Variants in FOXP1 observed in about 807,000 individuals in gnomAD.
FOXP1 encodes forkhead box protein P1.
Under a neutral mutation model 98.2 loss-of-function variants are expected in FOXP1, and 15 were observed. That is an observed-to-expected ratio of 0.15 (90% CI 0.10 to 0.24). FOXP1 has a LOEUF of 0.24. Among genes scored for constraint, FOXP1 ranks in the 10% least tolerant of loss-of-function variants. The pLI is 1.00. For synonymous variants in FOXP1, 371 were observed against 314.5 expected (o/e 1.18, Z -1.90); for missense variants, 633 against 848.5 (o/e 0.75, Z 3.15).
intron 6 of FOXP1, among the ~76,000 whole-genome samples, chr3:71,125,161 G>A (rs1048071897): frequency 6.6e-6 from 1 of 152,174 alleles, no homozygotes; most frequent in Non-Finnish European, 1.5e-5. Flanking sequence ...TTGAGCTAGG[G>A]GGAGATGATG....
chr3:71,396,724 A>G (rs1184324869), intron 3 of FOXP1, among the ~76,000 whole-genome samples: 1 of 138,824 alleles, frequency 7.2e-6, no homozygotes, highest in Non-Finnish European at 1.5e-5. Flanking sequence ...AGAAGACAGC[A>G]ACAGCAGAGC....
At chr3:71,298,248 C>G (rs1389133006) in intron 5 of FOXP1, among the ~76,000 whole-genome samples, 1 of 151,956 alleles carries the variant, frequency 6.6e-6, no homozygotes, top group South Asian at 2.1e-4. Context: ...GGGCGGATCA[C>G]GAGGTCAGGA....
rs1560102683 is a variant in FOXP1 at position 71,198,412 on chromosome 3, G to C, written c.-11-20C>G. 1.4e-6 allele frequency: 1 copy of C among 721,556 alleles called. No homozygotes were observed. The highest frequency in any genetic ancestry group is 2.3e-6 in the Non-Finnish European group (1 of 431,864). The allele number at this position is 721,556 out of a possible 1,614,324, so 44.7% of individuals were successfully genotyped here. On this transcript the variant is annotated intron_variant, in intron 5 of 20. Coordinates refer to ENST00000649528, the MANE Select transcript of FOXP1 (RefSeq NM_001349338.3). ...AAAAACCTGATACAAGGATTTCCAA[G>C]ATGGGGGGAGGGAGGGGGGGAGAAA... is the stretch of plus-strand genomic sequence containing the variant.
chr3:71,041,563 A>C, intron 10 of FOXP1, 31 bp from the exon 11 acceptor site: 1 of 1,591,854 alleles, frequency 6.3e-7, no homozygotes, highest in Non-Finnish European at 8.6e-7. Context: ...AATTAAATCA[A>C]TTAACAGCTA....
chr3:71,425,327 T>C (rs538400459), intron 3 of FOXP1, among the ~76,000 whole-genome samples: 11 of 152,294 alleles, frequency 7.2e-5, no homozygotes, highest in African/African-American at 2.6e-4. Flanking sequence ...GATTTTACTA[T>C]GTTGGCCCAG....
intron 11 of FOXP1, among the ~76,000 whole-genome samples, chr3:71,022,360 T>C (rs930464889): frequency 1.3e-5 from 2 of 152,222 alleles, no homozygotes; most frequent in East Asian, 1.9e-4. Flanking sequence ...ATAGTTAAAA[T>C]TATATAACAA....
At chr3:71,240,508 T>G (rs1456866576) in intron 5 of FOXP1, among the ~76,000 whole-genome samples, 1 of 152,072 alleles carries the variant, frequency 6.6e-6, no homozygotes, top group Non-Finnish European at 1.5e-5. Flanking sequence ...GAAGTTCCTT[T>G]TGAAAATGTC....
Position 71,046,973 on chromosome 3 carries a change from C to T in FOXP1, c.633G>A (p.Gln211=), listed in dbSNP as rs771680794. 1.2e-6 allele frequency: 2 copies of T among 1,614,084 alleles called. No homozygotes were observed. Among genetic ancestry groups the T allele is most frequent in the Admixed American group, 1.7e-5 (1 of 60,014 alleles). The change falls in exon 10 of 21, where the codon CAG becomes CAA. Residue 211 remains glutamine, a synonymous_variant. Coordinates refer to ENST00000649528, the MANE Select transcript of FOXP1 (RefSeq NM_001349338.3). ...RQGLLTIQPG[Q]PALPLQPLAQ... ...CAAGAGGTTGAAGGGGAAGGGCAGGCTGCCCGGGCTGAATTGTCAGAAGGC... is the reference window on the plus strand; with the variant it reads ...CAAGAGGTTGAAGGGGAAGGGCAGGTTGCCCGGGCTGAATTGTCAGAAGGC...
At chr3:71,114,947 T>G (rs563250000) in intron 6 of FOXP1, among the ~76,000 whole-genome samples, 1 of 152,322 alleles carries the variant, frequency 6.6e-6, no homozygotes, top group South Asian at 2.1e-4. Context: ...TAGTCCCCTT[T>G]GCAAGGTGCC....
intron 4 of FOXP1, among the ~76,000 whole-genome samples, chr3:71,321,782 T>C (rs1653998): frequency 0.94 from 142,529 of 152,090 alleles, 67,526 homozygotes; most frequent in East Asian, 1. Flanking sequence ...CCACCACACC[T>C]GGCTAATTTT....
intron 3 of FOXP1, among the ~76,000 whole-genome samples, chr3:71,446,113 C>T (rs961743686): frequency 2.0e-5 from 3 of 152,050 alleles, no homozygotes; most frequent in Non-Finnish European, 4.4e-5. Flanking sequence ...TGTGTCATCA[C>T]GATGGCCAAA....
chr3:71,273,279 T>A (rs566791211), intron 5 of FOXP1, among the ~76,000 whole-genome samples: 3 of 152,160 alleles, frequency 2.0e-5, no homozygotes, highest in Non-Finnish European at 4.4e-5. Context: ...AACAATCAAA[T>A]GATAATTTGC....
chr3:71,531,896 C>T (rs1246508374), intron 2 of FOXP1, among the ~76,000 whole-genome samples: 1 of 152,196 alleles, frequency 6.6e-6, no homozygotes, highest in Non-Finnish European at 1.5e-5. Context: ...TATAGCCCAA[C>T]TATATGTGTT....
At chr3:71,414,049 C>T (rs1225744456) in intron 3 of FOXP1, among the ~76,000 whole-genome samples, 3 of 152,156 alleles carry the variant, frequency 2.0e-5, no homozygotes, top group Admixed American at 1.3e-4. Context: ...GAGGCTCATG[C>T]TAAAGCCACC....
At chr3:71,101,415 G>C (rs981695326) in intron 7 of FOXP1, among the ~76,000 whole-genome samples, 3 of 152,132 alleles carry the variant, frequency 2.0e-5, no homozygotes, top group Non-Finnish European at 4.4e-5. Context: ...TTGGGGGAAA[G>C]AGTGAACTTG....
chr3:70,996,514 T>C (rs62257220), intron 13 of FOXP1, among the ~76,000 whole-genome samples: 177 of 152,350 alleles, frequency 1.2e-3, no homozygotes, highest in Middle Eastern at 3.4e-3. Flanking sequence ...CTAACAGTAG[T>C]TATTTTGGAA....
chr3:71,559,885 A>G (rs751616231), intron 2 of FOXP1, among the ~76,000 whole-genome samples: 3 of 152,142 alleles, frequency 2.0e-5, no homozygotes, highest in Non-Finnish European at 4.4e-5. Flanking sequence ...TACTAGGCCA[A>G]TGACAGACCT....
rs573598229 is a variant in FOXP1, at chr3:71,342,727, A to C, written c.-73+16423T>G. Among the ~76,000 whole-genome samples the C allele has an allele frequency of 2.0e-5, 3 of 151,988 alleles. No homozygotes were observed. In the East Asian group the frequency reaches 5.8e-4, roughly 29 times the overall value. On this transcript the variant is annotated intron_variant, in intron 4 of 20. Coordinates refer to ENST00000649528, the MANE Select transcript of FOXP1 (RefSeq NM_001349338.3). ...AAACAGACCTTGATCCAAGTCTAAA[A>C]TCTACCTCTTTCTTTTTTTAAATTT...
intron 6 of FOXP1, among the ~76,000 whole-genome samples, chr3:71,142,103 A>G (rs1296100293): frequency 6.6e-6 from 1 of 151,944 alleles, no homozygotes; most frequent in Non-Finnish European, 1.5e-5. Context: ...GCTTTCAATC[A>G]AATGACTTAA....
Sources: allele counts gnomAD v4.1 joint callset (sites outside exome capture counted in the v4.1 genomes callset), GRCh38; gene constraint gnomAD v4.1.1; transcripts MANE v1.5; gene names NCBI Gene and HGNC (gene_info 2026-07-23, HGNC 2026-07-21).